Variants in NEGR1 observed in about 807,000 individuals in gnomAD.
NEGR1 encodes the protein neuronal growth regulator 1.
Under a neutral mutation model 40.9 loss-of-function variants are expected in NEGR1, and 10 were observed. The observed-to-expected ratio is 0.24, with a 90% CI of 0.15 to 0.42. The LOEUF is 0.42. Ranked by LOEUF, NEGR1 falls within the 10% of genes least tolerant of loss-of-function variation. The pLI is 1.00. For synonymous variants in NEGR1, 185 were observed against 166.8 expected, an observed-to-expected ratio of 1.11 and a Z score of -0.84; for missense variants, 352 against 438.9, an observed-to-expected ratio of 0.80 and a Z score of 1.77.
chr1:72,083,657 G>A (rs1185805296), intron 1 of NEGR1, among the ~76,000 whole-genome samples: 1 of 152,076 alleles, frequency 6.6e-6, no homozygotes, highest in Non-Finnish European at 1.5e-5. Flanking sequence ...TTGCCTCCCA[G>A]CAAAAACATT....
chr1:71,616,633 T>C (rs1394869695), intron 4 of NEGR1, among the ~76,000 whole-genome samples: 1 of 152,208 alleles, frequency 6.6e-6, no homozygotes, highest in Non-Finnish European at 1.5e-5. Flanking sequence ...CTGCATCTGG[T>C]GGCAGGCTTT....
intron 6 of NEGR1, among the ~76,000 whole-genome samples, chr1:71,474,052 C>T (rs1646802059): frequency 6.6e-6 from 1 of 151,970 alleles, no homozygotes; most frequent in Admixed American, 6.6e-5. Flanking sequence ...GACTGTTCAA[C>T]CCATTGGGTT....
intron 1 of NEGR1, among the ~76,000 whole-genome samples, chr1:72,015,628 C>T (rs888461543): frequency 6.6e-6 from 1 of 152,084 alleles, no homozygotes; most frequent in Non-Finnish European, 1.5e-5. Context: ...TGTGTTTTCA[C>T]TACTGAACTC....
At chr1:71,792,956 A>T (rs991765708) in intron 2 of NEGR1, among the ~76,000 whole-genome samples, 1 of 152,016 alleles carries the variant, frequency 6.6e-6, no homozygotes, top group African/African-American at 2.4e-5. Flanking sequence ...CTAAATTATG[A>T]TTCCCAGATA....
At chr1:71,499,330 C>G (rs1328305584) in intron 6 of NEGR1, among the ~76,000 whole-genome samples, 3 of 151,542 alleles carry the variant, frequency 2.0e-5, no homozygotes, top group Middle Eastern at 3.2e-3. Context: ...TAGATCTTGG[C>G]AGTTTACAAT....
At chr1:71,911,589 G>A (rs1249330427) in intron 2 of NEGR1, among the ~76,000 whole-genome samples, 1 of 152,154 alleles carries the variant, frequency 6.6e-6, no homozygotes, top group Non-Finnish European at 1.5e-5. Context: ...ATACCAGAAA[G>A]AATAGTGGCC....
chr1:72,043,871 T>A (rs1646977690), intron 1 of NEGR1, among the ~76,000 whole-genome samples: 1 of 151,908 alleles, frequency 6.6e-6, no homozygotes, highest in Non-Finnish European at 1.5e-5. Flanking sequence ...ATATTTTGGT[T>A]GGACTTCCAG....
intron 6 of NEGR1, among the ~76,000 whole-genome samples, chr1:71,420,577 AG>A (rs1478150461): frequency 6.6e-6 from 1 of 152,066 alleles, no homozygotes; most frequent in African/African-American, 2.4e-5. Flanking sequence ...AGAAATTTTG[AG>A]GGTATCTATT....
At chr1:71,797,859 GT>G (rs1222714461) in intron 2 of NEGR1, among the ~76,000 whole-genome samples, 2 of 151,660 alleles carry the variant, frequency 1.3e-5, no homozygotes, top group Non-Finnish European at 2.9e-5. Context: ...TTTTCTATTT[GT>G]GCAGATCATT....
At chr1:72,176,511 A>G (rs1015030787) in intron 1 of NEGR1, among the ~76,000 whole-genome samples, 1 of 152,076 alleles carries the variant, frequency 6.6e-6, no homozygotes, top group Non-Finnish European at 1.5e-5. Flanking sequence ...AGAAGGACTA[A>G]ATCTAGCTCC....
chr1:71,777,559 A>G (rs1459802), intron 2 of NEGR1, among the ~76,000 whole-genome samples: 128,155 of 151,980 alleles, frequency 0.84, 55,409 homozygotes, highest in East Asian at 1. Flanking sequence ...ATAAATAAAT[A>G]GCAATTACAC....
intron 1 of NEGR1, among the ~76,000 whole-genome samples, chr1:72,017,653 T>C (rs1173542290): frequency 1.3e-5 from 2 of 151,958 alleles, no homozygotes; most frequent in African/African-American, 4.8e-5. Context: ...GTCTTTCTTG[T>C]AAATCTGTTA....
intron 5 of NEGR1, among the ~76,000 whole-genome samples, chr1:71,599,336 T>A (rs1050830843): frequency 6.6e-6 from 1 of 152,178 alleles, no homozygotes; most frequent in Non-Finnish European, 1.5e-5. Flanking sequence ...GGAGAGTGAC[T>A]GAAAAGATCA....
chr1:71,711,682 G>A (rs531708797), intron 3 of NEGR1, among the ~76,000 whole-genome samples: 1 of 152,200 alleles, frequency 6.6e-6, no homozygotes, highest in African/African-American at 2.4e-5. Flanking sequence ...ACAACTGTGT[G>A]AATGATTATA....
intron 6 of NEGR1, among the ~76,000 whole-genome samples, chr1:71,431,907 G>A (rs1282131830): frequency 1.3e-5 from 2 of 152,140 alleles, no homozygotes; most frequent in African/African-American, 4.8e-5. Flanking sequence ...AAAATGATTA[G>A]GGGAAACTGA....
intron 1 of NEGR1, among the ~76,000 whole-genome samples, chr1:71,974,854 G>T (rs59640742): frequency 6.6e-6 from 1 of 151,994 alleles, no homozygotes; most frequent in Non-Finnish European, 1.5e-5. Context: ...TCTTTATTCA[G>T]TTTCCCACTG....
intron 1 of NEGR1, among the ~76,000 whole-genome samples, chr1:72,170,974 A>T (rs1427667928): frequency 2.6e-5 from 4 of 151,964 alleles, no homozygotes; most frequent in Non-Finnish European, 1.5e-5. Flanking sequence ...TCTTTTCCCC[A>T]CTGTTAGATG....
At chr1:71,731,141 T>G (rs1570270067) in intron 3 of NEGR1, among the ~76,000 whole-genome samples, 1 of 152,288 alleles carries the variant, frequency 6.6e-6, no homozygotes, top group East Asian at 1.9e-4. Flanking sequence ...AAGGTTATCA[T>G]TCTTATTAAC....
intron 2 of NEGR1, among the ~76,000 whole-genome samples, chr1:71,839,519 A>T (rs1659163314): frequency 6.6e-6 from 1 of 151,986 alleles, no homozygotes; most frequent in Admixed American, 6.6e-5. Context: ...CCGAGACCAG[A>T]CTTAGGATTA....
Sources: allele counts gnomAD v4.1 joint callset (sites outside exome capture counted in the v4.1 genomes callset), GRCh38; gene constraint gnomAD v4.1.1; transcripts MANE v1.5; gene names NCBI Gene and HGNC (gene_info 2026-07-23, HGNC 2026-07-21).